The following RABGAP1L variants were observed in gnomAD, a reference collection of about 807,000 sequenced individuals.
RABGAP1L encodes the protein RAB GTPase activating protein 1 like.
Under a neutral mutation model 137.7 loss-of-function variants are expected in RABGAP1L, and 63 were observed. The ratio of observed to expected loss-of-function variants is 0.46; its 90% CI spans 0.37 to 0.56. The LOEUF is 0.56. Among genes scored for constraint, RABGAP1L ranks in the 20% least tolerant of loss-of-function variants. The pLI is 0.00. For synonymous variants in RABGAP1L, 431 were observed against 433.7 expected (o/e 0.99, Z 0.08); for missense variants, 1,095 against 1,244.0 (o/e 0.88, Z 1.80).
intron 19 of RABGAP1L, among the ~76,000 whole-genome samples, chr1:174,898,703 A>G (rs1453315780): frequency 6.6e-6 from 1 of 152,204 alleles, no homozygotes; most frequent in Non-Finnish European, 1.5e-5. Context: ...GCCTTGGTCT[A>G]TTGCAAGGAT....
At chr1:174,411,977 G>T (rs184736764) in intron 13 of RABGAP1L, among the ~76,000 whole-genome samples, 1 of 152,012 alleles carries the variant, frequency 6.6e-6, no homozygotes, top group African/African-American at 2.4e-5. Flanking sequence ...AGAGTATCCC[G>T]TAGATGTTTA....
chr1:174,892,458 G>T, intron 19 of RABGAP1L: 1 of 447,628 alleles, frequency 2.2e-6, no homozygotes. Flanking sequence ...CGTTATTTGT[G>T]CCAGCTTTTT....
intron 14 of RABGAP1L, among the ~76,000 whole-genome samples, chr1:174,675,375 A>G (rs1394600857): frequency 1.9e-4 from 29 of 152,086 alleles, no homozygotes; most frequent in Admixed American, 1.2e-3. Flanking sequence ...TTTTTCTCAG[A>G]TTTGTCAAAG....
At chr1:174,195,769 C>A (rs59015455) in intron 1 of RABGAP1L, among the ~76,000 whole-genome samples, 1 of 104,608 alleles carries the variant, frequency 9.6e-6, no homozygotes, top group African/African-American at 3.6e-5. Flanking sequence ...CTCTCTTTCT[C>A]TCTTTCCTTT....
intron 21 of RABGAP1L, among the ~76,000 whole-genome samples, chr1:174,971,889 CA>C (rs1340454887): frequency 3.9e-5 from 6 of 152,178 alleles, no homozygotes; most frequent in Admixed American, 3.9e-4. Context: ...GTATTTAAGA[CA>C]ATATGTAAGC....
intron 13 of RABGAP1L, among the ~76,000 whole-genome samples, chr1:174,473,812 C>T (rs1249082710): frequency 6.6e-6 from 1 of 152,192 alleles, no homozygotes; most frequent in Non-Finnish European, 1.5e-5. Flanking sequence ...GCCCCTAAAG[C>T]TCCTGCAGAG....
chr1:174,262,569 A>G (rs1673666973), intron 7 of RABGAP1L, among the ~76,000 whole-genome samples: 1 of 152,232 alleles, frequency 6.6e-6, no homozygotes, highest in Non-Finnish European at 1.5e-5. Flanking sequence ...ACCATAGTAC[A>G]GTATCACAGC....
At chr1:174,916,582 T>C (rs1660921866) in intron 19 of RABGAP1L, among the ~76,000 whole-genome samples, 1 of 152,232 alleles carries the variant, frequency 6.6e-6, no homozygotes. Context: ...AACCAGATAG[T>C]TGCTTAAACA....
At chr1:174,702,929 TAGC>T (rs1679765480) in intron 17 of RABGAP1L, among the ~76,000 whole-genome samples, 1 of 152,136 alleles carries the variant, frequency 6.6e-6, no homozygotes, top group African/African-American at 2.4e-5. Context: ...TTGACTATCT[TAGC>T]AGTAATAGGG....
chr1:174,172,663 T>A (rs565603793), intron 1 of RABGAP1L, among the ~76,000 whole-genome samples: 3 of 152,316 alleles, frequency 2.0e-5, no homozygotes, highest in African/African-American at 7.2e-5. Flanking sequence ...AAAATGTCTC[T>A]TTAGGTTCTT....
rs181237577 is a variant in RABGAP1L at position 174,794,740 on chromosome 1, C to T, written c.2212-17092C>T. Among the ~76,000 whole-genome samples the T allele has an allele frequency of 2.8e-3, 430 of 152,272 alleles. 4 individuals are homozygous for T. The highest frequency in any genetic ancestry group is 8.6e-3 in the African/African-American group (356 of 41,558). Reference sequence around the variant, plus strand: ...CTGTGGACAACAAAGACATACCTACCTCATAGCACACAGTGTGTCACCCCT... The same window carrying T: ...CTGTGGACAACAAAGACATACCTACTTCATAGCACACAGTGTGTCACCCCT... On this transcript the variant is annotated intron_variant, in intron 18 of 25. Coordinates refer to ENST00000681986, the MANE Select transcript of RABGAP1L (RefSeq NM_001366446.1).
At chr1:174,485,352 C>T (rs1383221908) in intron 13 of RABGAP1L, among the ~76,000 whole-genome samples, 1 of 152,158 alleles carries the variant, frequency 6.6e-6, no homozygotes, top group East Asian at 1.9e-4. Context: ...TCTGACTGCT[C>T]TAGCTAGAAC....
At chr1:174,340,650 C>T (rs1450395311) in intron 11 of RABGAP1L, among the ~76,000 whole-genome samples, 1 of 152,144 alleles carries the variant, frequency 6.6e-6, no homozygotes, top group Non-Finnish European at 1.5e-5. Context: ...ATATATACCA[C>T]ATTTTATTTA....
At chr1:174,405,458 T>G (rs1649151482) in intron 13 of RABGAP1L, among the ~76,000 whole-genome samples, 1 of 152,176 alleles carries the variant, frequency 6.6e-6, no homozygotes, top group Admixed American at 6.5e-5. Context: ...ATGAGGTTAT[T>G]CCAGCTGTGT....
At chr1:174,543,696 T>C (rs961315703) in intron 13 of RABGAP1L, among the ~76,000 whole-genome samples, 1 of 152,214 alleles carries the variant, frequency 6.6e-6, no homozygotes, top group African/African-American at 2.4e-5. Flanking sequence ...GCCTCGATGG[T>C]CTTTACCATT....
At chr1:174,477,504 G>A (rs943057799) in intron 13 of RABGAP1L, among the ~76,000 whole-genome samples, 2 of 152,166 alleles carry the variant, frequency 1.3e-5, no homozygotes, top group Non-Finnish European at 2.9e-5. Context: ...TTGATTCAAA[G>A]TCAACAAATA....
At chr1:174,387,240 C>A (rs1481128678) in intron 12 of RABGAP1L, among the ~76,000 whole-genome samples, 4 of 152,188 alleles carry the variant, frequency 2.6e-5, no homozygotes, top group Non-Finnish European at 5.9e-5. Flanking sequence ...TTCATTCATT[C>A]ATTCAACTTT....
intron 10 of RABGAP1L, among the ~76,000 whole-genome samples, chr1:174,288,719 C>T (rs1349149860): frequency 6.6e-6 from 1 of 152,138 alleles, no homozygotes; most frequent in Non-Finnish European, 1.5e-5. Flanking sequence ...CTATGGGTCT[C>T]ATAACTTTGA....
At chr1:174,345,411 A>G (rs1229202035) in intron 11 of RABGAP1L, among the ~76,000 whole-genome samples, 1 of 152,174 alleles carries the variant, frequency 6.6e-6, no homozygotes, top group Non-Finnish European at 1.5e-5. Flanking sequence ...TGATTCTTCC[A>G]GTGCGTGAAC....
Sources: gnomAD v4.1 joint callset for allele counts (sites outside exome capture counted in the v4.1 genomes callset) on GRCh38, gnomAD v4.1.1 for gene constraint, MANE v1.5 for transcripts, NCBI Gene and HGNC (gene_info 2026-07-23, HGNC 2026-07-21) for gene names.